PXDN: variants seen among roughly 807,000 people sequenced by gnomAD.
PXDN encodes peroxidasin.
In PXDN, 77 loss-of-function variants were observed where a neutral mutation model predicts 140.3. The ratio of observed to expected loss-of-function variants is 0.55; its 90% CI spans 0.46 to 0.66. The LOEUF (loss-of-function observed/expected upper bound fraction) is 0.66, where lower values mean the gene tolerates loss of function less well. Ranked by LOEUF, PXDN falls within the 30% of genes least tolerant of loss-of-function variation. PXDN has a pLI of 0.00. For synonymous variants in PXDN, 911 were observed against 857.4 expected, an observed-to-expected ratio of 1.06 and a Z score of -1.09; for missense variants, 1,838 against 2,039.5, an observed-to-expected ratio of 0.90 and a Z score of 1.90.
chr2:1,684,980 A>G (rs1312644936), intron 4 of PXDN, among the ~76,000 whole-genome samples: 1 of 152,226 alleles, frequency 6.6e-6, no homozygotes, highest in Non-Finnish European at 1.5e-5. Flanking sequence ...TCAGGAGGCC[A>G]AAATGAGCAA....
intron 1 of PXDN, among the ~76,000 whole-genome samples, chr2:1,704,963 C>A (rs1273792498): frequency 1.3e-5 from 2 of 152,100 alleles, no homozygotes; most frequent in African/African-American, 4.8e-5. Context: ...GATGCATCAT[C>A]CGTCAGTGTA....
At position 1,634,027 on chromosome 2, in the gene PXDN, G is replaced by A. The variant is rs1682480891; in HGVS notation, c.*177C>T. The A allele has an allele frequency of 9.9e-6, 9 of 912,658 alleles. No homozygotes were observed. Among genetic ancestry groups the A allele is most frequent in the Non-Finnish European group, 1.4e-5 (9 of 646,650 alleles). 56.5% of individuals were successfully genotyped at this position (912,658 alleles called of 1,614,324 possible). A position where few individuals can be genotyped will look rare whatever the true frequency, so the allele number is the denominator to read the frequency against. Reference sequence around the variant, plus strand: ...AGGCACCTGCTGTGCCTCCTTCTCCGCAGATGCTCTGGTTGGAAGCCTCCT... The same window carrying A: ...AGGCACCTGCTGTGCCTCCTTCTCCACAGATGCTCTGGTTGGAAGCCTCCT... On this transcript the variant is annotated 3_prime_UTR_variant, in exon 23 of 23. Transcript: ENST00000252804.
At chr2:1,712,509 A>G (rs1003732265) in intron 1 of PXDN, among the ~76,000 whole-genome samples, 10 of 152,232 alleles carry the variant, frequency 6.6e-5, no homozygotes, top group Non-Finnish European at 1.3e-4. Context: ...ATGTCAGATC[A>G]CATAACCAAC....
rs1195409215 is a variant in PXDN, at chr2:1,660,121, G to A, written c.1837+760C>T. Among the ~76,000 whole-genome samples the A allele has an allele frequency of 1.3e-5, 2 of 152,152 alleles. No individual in the cohort carries two copies. Among genetic ancestry groups the A allele is most frequent in the East Asian group, 3.9e-4 (2 of 5,192 alleles). On this transcript the variant is annotated intron_variant, in intron 14 of 22. Transcript: ENST00000252804. The surrounding 1 kb of genome is among the most constrained non-coding windows in gnomAD (Gnocchi z 4.6). ...CACACCACTGATGAGGCGCAGGTTTGGGTCACACTGTGAAGACTCCATGCA... is the reference window on the plus strand; with the variant it reads ...CACACCACTGATGAGGCGCAGGTTTAGGTCACACTGTGAAGACTCCATGCA...
chr2:1,654,663 T>C (rs1005434949), intron 14 of PXDN, among the ~76,000 whole-genome samples, 155 bp from the exon 15 acceptor site: 1 of 152,230 alleles, frequency 6.6e-6, no homozygotes, highest in Non-Finnish European at 1.5e-5. Flanking sequence ...TTATCACAAA[T>C]TCTACTAGAA....
intron 19 of PXDN, 61 bp downstream of exon 19, chr2:1,643,307 G>T: frequency 6.5e-7 from 1 of 1,531,892 alleles, no homozygotes; most frequent in Non-Finnish European, 9.0e-7. Flanking sequence ...TTAAGCACCC[G>T]CCAAGCAGTC....
rs1553364623 is a variant in PXDN at position 1,685,738 on chromosome 2, C to CG, written c.417-1588_417-1587insC. On this transcript the variant is annotated intron_variant, in intron 4 of 22. Transcript: ENST00000252804. The surrounding 1 kb of genome is among the most constrained non-coding windows in gnomAD (Gnocchi z 5.1). Reference sequence around the variant, plus strand: ...TGGGTGGGACTTGGCACCTGCTGCACAGGTGCTACGGGAAATGACGGCCCA... The same window carrying CG: ...TGGGTGGGACTTGGCACCTGCTGCACGAGGTGCTACGGGAAATGACGGCCCA... Among the ~76,000 whole-genome samples, 1 of 151,684 alleles carries CG rather than the reference C, an allele frequency of 6.6e-6. No individual in the cohort carries two copies. The highest frequency in any genetic ancestry group is 2.4e-5 in the African/African-American group (1 of 41,240).
chr2:1,710,229 C>T (rs978564637), intron 1 of PXDN, among the ~76,000 whole-genome samples: 4 of 152,272 alleles, frequency 2.6e-5, no homozygotes, highest in Admixed American at 1.3e-4. Flanking sequence ...GAACAGCTGC[C>T]GTCTGCTGCT....
At chr2:1,697,997 A>G (rs1452113431) in intron 1 of PXDN, among the ~76,000 whole-genome samples, 1 of 152,222 alleles carries the variant, frequency 6.6e-6, no homozygotes, top group Non-Finnish European at 1.5e-5. Flanking sequence ...GAGGGCTAAC[A>G]TCAGGCAGGG....
chr2:1,666,687 C>A (rs1007882848), intron 9 of PXDN, among the ~76,000 whole-genome samples: 1 of 152,066 alleles, frequency 6.6e-6, no homozygotes, highest in African/African-American at 2.4e-5. Context: ...AAAATGCAGG[C>A]CACGTGAGAA....
At chr2:1,710,716 A>ACT (rs199747841) in intron 1 of PXDN, among the ~76,000 whole-genome samples, 2 of 71,308 alleles carry the variant, frequency 2.8e-5, no homozygotes, top group Non-Finnish European at 5.6e-5. Context: ...ACCAGCACCC[A>ACT]CTCCACCAGC....
At chr2:1,711,592 GCACCCA>G (rs1684785511) in intron 1 of PXDN, among the ~76,000 whole-genome samples, 2 of 46,744 alleles carry the variant, frequency 4.3e-5, no homozygotes, top group Non-Finnish European at 8.0e-5. Flanking sequence ...CACTCCACCA[GCACCCA>G]CTCTCCACCA....
At position 1,684,114 on chromosome 2, in the gene PXDN, C is replaced by A; in HGVS notation, c.454G>T (p.Asp152Tyr). 1 of 1,587,968 alleles carries A rather than the reference C, an allele frequency of 6.3e-7. No homozygotes were observed. The highest frequency in any genetic ancestry group is 8.6e-7 in the Non-Finnish European group (1 of 1,166,514). The part of the protein sequence containing the change: ...HFNQIETLDP[D>Y]SFQHLPKLER... Reference sequence around the variant, plus strand: ...AGCTTCGGGAGATGCTGGAACGAATCTGGGTCCAAAGTTTCTATCTGATTA... The same window carrying A: ...AGCTTCGGGAGATGCTGGAACGAATATGGGTCCAAAGTTTCTATCTGATTA... Residue 152 changes from aspartate to tyrosine, a missense_variant, in exon 5 of 23, where the codon GAT becomes TAT. Coordinates refer to ENST00000252804, the MANE Select transcript of PXDN (RefSeq NM_012293.3).
Position 1,687,745 on chromosome 2 carries a change from AG to A in PXDN, c.345-43del. ...TGGGGAGCATTAGCACACAGACAGG[AG>A]GTCAAACTTCAGACGGAAAAGAAGA... On this transcript the variant is annotated intron_variant, in intron 3 of 22. Transcript: ENST00000252804. This position sits in a 1 kb window ranked among gnomAD's most constrained non-coding sequence, Gnocchi z 4.0. The A allele has an allele frequency of 7.1e-7, 1 of 1,400,298 alleles. No homozygotes were observed. Among genetic ancestry groups the A allele is most frequent in the Non-Finnish European group, 1.0e-6 (1 of 1,002,800 alleles). 86.7% of individuals were successfully genotyped at this position (1,400,298 alleles called of 1,614,324 possible). A position where few individuals can be genotyped will look rare whatever the true frequency, so the allele number is the denominator to read the frequency against.
intron 1 of PXDN, among the ~76,000 whole-genome samples, chr2:1,730,546 C>G (rs1034003516): frequency 6.6e-6 from 1 of 152,140 alleles, no homozygotes; most frequent in Non-Finnish European, 1.5e-5. Context: ...AGGGCAGCAC[C>G]GCAGTCAGGC....
chr2:1,660,330 G>A lies in PXDN; in HGVS notation c.1837+551C>T, dbSNP rs1027957515. On this transcript the variant is annotated intron_variant, in intron 14 of 22. Transcript: ENST00000252804. This position sits in a 1 kb window ranked among gnomAD's most constrained non-coding sequence, Gnocchi z 4.6. The stretch of plus-strand genomic sequence containing the variant: ...GGGTGAGTGGGATGGAAGTGGTGGC[G>A]GACCAGGATGCAAACAGACAGATGC... 5.9e-5 allele frequency among the ~76,000 whole-genome samples: 9 copies of A among 152,048 alleles called. No individual in the cohort carries two copies. The highest frequency in any genetic ancestry group is 2.6e-4 in the Admixed American group (4 of 15,270).
Position 1,685,267 on chromosome 2 carries a change from C to T in PXDN, c.417-1116G>A, listed in dbSNP as rs1684023966. ...CCCCGGGACAGGTCTGTGCTCAGCA[C>T]TCCGCGCACGAATGGGAAACGTGAG... On this transcript the variant is annotated intron_variant, in intron 4 of 22. Transcript: ENST00000252804. This position sits in a 1 kb window ranked among gnomAD's most constrained non-coding sequence, Gnocchi z 5.1. Among the ~76,000 whole-genome samples, 1 of 152,242 alleles carries T rather than the reference C, an allele frequency of 6.6e-6. No individual in the cohort carries two copies. Among genetic ancestry groups the T allele is most frequent in the East Asian group, 1.9e-4 (1 of 5,188 alleles).
In PXDN at chr2:1,744,175, C is replaced by T. The variant is rs1301366488; in HGVS notation, c.200+81G>A. The T allele has an allele frequency of 4.5e-6, 6 of 1,325,208 alleles. No homozygotes were observed. In the Admixed American group the frequency reaches 9.9e-5, roughly 22 times the overall value. 82.1% of individuals were successfully genotyped at this position (1,325,208 alleles called of 1,614,324 possible). ...GATGCCCCCTCCACCCTCCGCGCCC[C>T]CCACCTCCGATCACCCCTGCGCTCC... On this transcript the variant is annotated intron_variant, in intron 1 of 22. Transcript: ENST00000252804.
chr2:1,672,783 G>C (rs1003681181), intron 9 of PXDN, among the ~76,000 whole-genome samples: 1 of 152,178 alleles, frequency 6.6e-6, no homozygotes, highest in Non-Finnish European at 1.5e-5. Flanking sequence ...CCAAACAAAA[G>C]GTTTTATAAC....
Sources: gnomAD v4.1 joint callset for allele counts (sites outside exome capture counted in the v4.1 genomes callset) on GRCh38, gnomAD v4.1.1 for gene constraint, Gnocchi (gnomAD v3.1) non-coding constraint, MANE v1.5 for transcripts, NCBI Gene and HGNC (gene_info 2026-07-23, HGNC 2026-07-21) for gene names.